Variants in ANKRD18A observed in about 807,000 individuals in gnomAD.
ANKRD18A encodes ankyrin repeat domain-containing protein 18A.
A neutral mutation model predicts 110.6 loss-of-function variants in ANKRD18A; 72 were observed. The ratio of observed to expected loss-of-function variants is 0.65; its 90% confidence interval spans 0.54 to 0.79. ANKRD18A has a LOEUF of 0.79. Ranked by LOEUF, ANKRD18A falls within the 30% of genes least tolerant of loss-of-function variation. The pLI is 0.00. For missense variants in ANKRD18A, 934 were observed against 1,163.3 expected (o/e 0.80, Z 2.87); for synonymous variants, 305 against 410.3 (o/e 0.74, Z 3.10).
rs1315142107 is a variant in ANKRD18A, at chr9:38,575,652, T to C, written c.2788A>G (p.Lys930Glu). The C allele has an allele frequency of 6.4e-7, 1 of 1,551,850 alleles. No homozygotes were observed. Among genetic ancestry groups the C allele is most frequent in the Non-Finnish European group, 8.7e-7 (1 of 1,146,890 alleles). Residue 930 changes from lysine (K) to glutamate (E), a missense_variant, in exon 15 of 16, where the codon AAA becomes GAA. Transcript: ENST00000399703. ...AVISTKLFTE[K>E]QRMKYFLSTL... ...CTGAGAAAATATTTCATCCGCTGTT[T>C]CTCCGTAAAGAGCTTGGTGCTGATC...
downstream of ANKRD18A, chr9:38,569,487 G>A (rs1011701103): frequency 1.1e-5 from 11 of 977,998 alleles, no homozygotes; most frequent in African/African-American, 1.8e-5. Context: ...AGACTGCTGC[G>A]TGTCTCTAAC....
rs1823659342 is a variant in ANKRD18A at position 38,571,874 on chromosome 9, G to A, written c.*171C>T. On this transcript the variant is annotated 3_prime_UTR_variant, in exon 16 of 16. Coordinates refer to ENST00000399703, the MANE Select transcript of ANKRD18A (RefSeq NM_147195.4). Reference sequence around the variant, plus strand: ...AATATTCTACTTTAGTAAAGATTATGATGTTTTATATTATATGAGAAACAA... The same window carrying A: ...AATATTCTACTTTAGTAAAGATTATAATGTTTTATATTATATGAGAAACAA... 7.5e-7 allele frequency: 1 copy of A among 1,324,640 alleles called. No individual in the cohort carries two copies. The highest frequency in any genetic ancestry group is 1.5e-5 in the African/African-American group (1 of 65,008). 82.1% of individuals were successfully genotyped at this position (1,324,640 alleles called of 1,614,324 possible).
At chr9:38,589,640 G>T (rs1276756272) in intron 10 of ANKRD18A, among the ~76,000 whole-genome samples, 1 of 152,130 alleles carries the variant, frequency 6.6e-6, no homozygotes, top group East Asian at 1.9e-4. Context: ...ATCTTCCTGT[G>T]TACACCCCAA....
In ANKRD18A at chr9:38,595,797, G is replaced by C; in HGVS notation, c.1543C>G (p.Gln515Glu). ...TGCTTCATTTCCTTTATTCGATGCT[G>C]TGCTTGCCTTAGGTCCAGCTGTACA... The part of the protein sequence containing the change: ...GSVQLDLRQA[Q>E]HRIKEMKQMH... The change falls in exon 9 of 16, where the codon CAG (glutamine) becomes GAG (glutamate). Residue 515 changes from glutamine (Q) to glutamate (E), a missense_variant. By Grantham distance (29) the Gln-to-Glu change is conservative. Coordinates refer to ENST00000399703, the MANE Select transcript of ANKRD18A (RefSeq NM_147195.4). The C allele has an allele frequency of 6.4e-7, 1 of 1,551,086 alleles. No individual in the cohort carries two copies. Among genetic ancestry groups the C allele is most frequent in the Non-Finnish European group, 8.7e-7 (1 of 1,146,616 alleles).
At chr9:38,618,961 C>T (rs1202129874) in intron 1 of ANKRD18A, among the ~76,000 whole-genome samples, 2 of 148,080 alleles carry the variant, frequency 1.4e-5, no homozygotes, top group African/African-American at 4.9e-5. Flanking sequence ...GAATAAATTC[C>T]CTGTAGGATG....
chr9:38,597,146 G>A (rs1472103240), intron 8 of ANKRD18A, among the ~76,000 whole-genome samples: 1 of 152,142 alleles, frequency 6.6e-6, no homozygotes, highest in Non-Finnish European at 1.5e-5. Context: ...GGCATAAAAT[G>A]TGTCTTCTGC....
chr9:38,599,382 G>A (rs150402822), intron 8 of ANKRD18A, among the ~76,000 whole-genome samples: 6,263 of 152,196 alleles, frequency 0.041, 219 homozygotes, highest in African/African-American at 0.094. Context: ...TAGAGTTACA[G>A]TGTAAGAGCT....
intron 1 of ANKRD18A, among the ~76,000 whole-genome samples, chr9:38,618,870 T>G (rs1825962099): frequency 6.7e-6 from 1 of 149,638 alleles, no homozygotes; most frequent in African/African-American, 2.4e-5. Context: ...ATATAACTGA[T>G]ATATATATAT....
At chr9:38,607,366 G>C (rs1183904087) in intron 6 of ANKRD18A, 60 bp downstream of exon 6, 1 of 1,359,440 alleles carries the variant, frequency 7.4e-7, no homozygotes, top group Non-Finnish European at 9.9e-7. Flanking sequence ...CTGTAATTTT[G>C]CTTTTTAAAA....
chr9:38,587,927 A>G (rs1225729386), intron 11 of ANKRD18A, among the ~76,000 whole-genome samples: 1 of 152,128 alleles, frequency 6.6e-6, no homozygotes, highest in African/African-American at 2.4e-5. Context: ...ATCTCTACTA[A>G]AAATACAAAA....
chr9:38,612,285 A>G (rs1487742656), intron 3 of ANKRD18A, among the ~76,000 whole-genome samples: 5 of 152,182 alleles, frequency 3.3e-5, no homozygotes, highest in Non-Finnish European at 5.9e-5. Context: ...CTCAGTAAGA[A>G]ATTCTATTCT....
At chr9:38,587,217 T>C (rs939317870) in intron 11 of ANKRD18A, among the ~76,000 whole-genome samples, 5 of 152,110 alleles carry the variant, frequency 3.3e-5, no homozygotes, top group African/African-American at 1.2e-4. Flanking sequence ...GAAGAAGAGA[T>C]CTAGAGATCT....
At chr9:38,618,685 C>T (rs181429204) in intron 1 of ANKRD18A, among the ~76,000 whole-genome samples, 1 of 152,256 alleles carries the variant, frequency 6.6e-6, no homozygotes, top group African/African-American at 2.4e-5. Context: ...GGATAGAACA[C>T]AGTCTCACTC....
intron 10 of ANKRD18A, among the ~76,000 whole-genome samples, chr9:38,593,480 T>C (rs1268104732): frequency 1.3e-5 from 2 of 152,222 alleles, no homozygotes; most frequent in Non-Finnish European, 2.9e-5. Context: ...CTAAAAATAC[T>C]GTTTAACGGG....
intron 1 of ANKRD18A, 77 bp downstream of exon 1, chr9:38,620,003 C>G: frequency 6.6e-7 from 1 of 1,514,210 alleles, no homozygotes; most frequent in Admixed American, 2.2e-5. Flanking sequence ...TCCAAGGTCC[C>G]CGCCCCAGGG....
intron 8 of ANKRD18A, among the ~76,000 whole-genome samples, chr9:38,599,070 T>C (rs1258528003): frequency 6.6e-6 from 1 of 152,234 alleles, no homozygotes; most frequent in Non-Finnish European, 1.5e-5. Flanking sequence ...TCAATTTCTG[T>C]ATCATTACAA....
At position 38,610,304 on chromosome 9, in the gene ANKRD18A, C is replaced by G; in HGVS notation, c.709G>C (p.Glu237Gln). ...AAATCAGAACAAAGAGCATAATCCTCGGCAGTTTGGCCAAACATGTCTTGA... is the reference window on the plus strand; with the variant it reads ...AAATCAGAACAAAGAGCATAATCCTGGGCAGTTTGGCCAAACATGTCTTGA... ...SSQDMFGQTA[E>Q]DYALCSDLRS... Residue 237 changes from glutamate (E) to glutamine (Q), a missense_variant, in exon 5 of 16, where the codon GAG becomes CAG. This residue lies in a region of ANKRD18A where 630 missense variants were observed against 797.5 expected (regional missense o/e 0.79). Coordinates refer to ENST00000399703, the MANE Select transcript of ANKRD18A (RefSeq NM_147195.4). 1 of 1,549,984 alleles carries G rather than the reference C, an allele frequency of 6.5e-7. No individual in the cohort carries two copies. The highest frequency in any genetic ancestry group is 8.7e-7 in the Non-Finnish European group (1 of 1,146,424).
At chr9:38,578,882 C>A (rs1389390880) in intron 12 of ANKRD18A, among the ~76,000 whole-genome samples, 3 of 151,986 alleles carry the variant, frequency 2.0e-5, no homozygotes, top group Admixed American at 6.6e-5. Context: ...GACAATATCT[C>A]AAAAAAACAC....
At chr9:38,590,225 C>T (rs1179455694) in intron 10 of ANKRD18A, among the ~76,000 whole-genome samples, 3 of 147,412 alleles carry the variant, frequency 2.0e-5, no homozygotes, top group Non-Finnish European at 4.5e-5. Flanking sequence ...CTTTTTTGTA[C>T]CAGTATATTT....
Sources: gnomAD v4.1 joint callset for allele counts (sites outside exome capture counted in the v4.1 genomes callset) on GRCh38, gnomAD v4.1.1 for gene constraint, gnomAD v4.1.1 regional missense constraint, MANE v1.5 for transcripts, NCBI Gene and HGNC (gene_info 2026-07-23, HGNC 2026-07-21) for gene names.